The following IPO11 variants were observed in gnomAD, a reference collection of about 807,000 sequenced individuals.
IPO11 encodes the protein importin-11.
Under a neutral mutation model 143.2 loss-of-function variants are expected in IPO11, and 66 were observed. The ratio of observed to expected loss-of-function variants is 0.46; its 90% CI spans 0.38 to 0.57. IPO11 has a LOEUF of 0.57. Ranked by LOEUF, IPO11 falls within the 20% of genes least tolerant of loss-of-function variation. IPO11 has a pLI of 0.00. For synonymous variants in IPO11, 385 were observed against 377.8 expected, an observed-to-expected ratio of 1.02 and a Z score of -0.22; for missense variants, 1,026 against 1,141.0, an observed-to-expected ratio of 0.90 and a Z score of 1.45.
intron 1 of IPO11, among the ~76,000 whole-genome samples, chr5:62,426,021 CA>C (rs1414809515): frequency 6.6e-6 from 1 of 152,198 alleles, no homozygotes; most frequent in East Asian, 1.9e-4. Context: ...TTATAAGACT[CA>C]GAGTCCCCTG....
intron 8 of IPO11, among the ~76,000 whole-genome samples, chr5:62,475,433 C>T (rs1745923907): frequency 6.6e-6 from 1 of 152,096 alleles, no homozygotes. Flanking sequence ...ATTGATTGAG[C>T]CTGAGAGGTT....
intron 29 of IPO11, among the ~76,000 whole-genome samples, chr5:62,606,104 TGG>T (rs1004084613): frequency 3.9e-5 from 6 of 151,952 alleles, no homozygotes; most frequent in South Asian, 2.1e-4. Flanking sequence ...GTGTACAACA[TGG>T]TGTTTTAAAA....
chr5:62,486,137 C>T (rs1300315005), intron 12 of IPO11, among the ~76,000 whole-genome samples: 1 of 151,758 alleles, frequency 6.6e-6, no homozygotes, highest in Non-Finnish European at 1.5e-5. Context: ...CCCGCCACCA[C>T]GCCCAGCTAA....
At chr5:62,534,934 C>G (rs1026562076) in intron 22 of IPO11, among the ~76,000 whole-genome samples, 1 of 151,954 alleles carries the variant, frequency 6.6e-6, no homozygotes, top group African/African-American at 2.4e-5. Context: ...TAGAGTCTCA[C>G]TAGGAACTTG....
At chr5:62,601,544 A>G (rs1184980148) in intron 28 of IPO11, among the ~76,000 whole-genome samples, 2 of 152,188 alleles carry the variant, frequency 1.3e-5, no homozygotes, top group East Asian at 3.8e-4. Context: ...CCCAAGTAAA[A>G]TGCTCTAAAA....
chr5:62,446,677 T>G (rs139543040), intron 3 of IPO11, among the ~76,000 whole-genome samples: 1 of 152,160 alleles, frequency 6.6e-6, no homozygotes, highest in South Asian at 2.1e-4. Context: ...ATTACAAATA[T>G]CTTCTCCTAG....
At chr5:62,606,556 G>T (rs1180564987) in intron 29 of IPO11, among the ~76,000 whole-genome samples, 1 of 150,960 alleles carries the variant, frequency 6.6e-6, no homozygotes, top group Non-Finnish European at 1.5e-5. Context: ...AATGTGTGCG[G>T]CCGGGTACGG....
At chr5:62,481,181 G>A (rs1168202213) in intron 9 of IPO11, among the ~76,000 whole-genome samples, 2 of 152,076 alleles carry the variant, frequency 1.3e-5, no homozygotes, top group Non-Finnish European at 2.9e-5. Flanking sequence ...GCCTCCCAAA[G>A]TGCTGGGATT....
intron 27 of IPO11, among the ~76,000 whole-genome samples, chr5:62,585,088 G>A (rs181912): frequency 0.69 from 105,291 of 152,076 alleles, 36,835 homozygotes; most frequent in African/African-American, 0.78. Flanking sequence ...TGGAGTTTTC[G>A]GTACATGCAC....
rs534371723 is a variant in IPO11 at position 62,532,326 on chromosome 5, T to C, written c.2089+1541T>C. Among the ~76,000 whole-genome samples, 7 of 152,194 alleles carry C rather than the reference T, an allele frequency of 4.6e-5. 1 individual carries two copies. The South Asian group carries it at 1.2e-3, about 27-fold the overall frequency. On this transcript the variant is annotated intron_variant, in intron 22 of 29. Transcript: ENST00000325324. Reference sequence around the variant, plus strand: ...GCTTTAGGTAAGTGCTCTAGTGTAGTGGTTTTTTTTGTTGGTGGTGGTTCG... The same window carrying C: ...GCTTTAGGTAAGTGCTCTAGTGTAGCGGTTTTTTTTGTTGGTGGTGGTTCG...
chr5:62,492,240 A>G (rs1244948491), intron 15 of IPO11, among the ~76,000 whole-genome samples: 2 of 152,174 alleles, frequency 1.3e-5, no homozygotes, highest in Non-Finnish European at 2.9e-5. Context: ...AACAGAGTCT[A>G]ATATGGTCTT....
intron 20 of IPO11, among the ~76,000 whole-genome samples, chr5:62,523,019 C>T (rs1561347685): frequency 6.6e-6 from 1 of 152,180 alleles, no homozygotes; most frequent in East Asian, 1.9e-4. Flanking sequence ...ATACCTGGTG[C>T]CATTAGTTCC....
chr5:62,546,853 CT>C (rs1290782254), intron 24 of IPO11, among the ~76,000 whole-genome samples: 1 of 152,012 alleles, frequency 6.6e-6, no homozygotes, highest in East Asian at 1.9e-4. Flanking sequence ...TAGTTTTCTT[CT>C]GTTTAAAAAG....
At chr5:62,550,562 G>A (rs2112348107) in intron 25 of IPO11, 100 bp downstream of exon 25, 1 of 760,298 alleles carries the variant, frequency 1.3e-6, no homozygotes, top group East Asian at 2.7e-5. Context: ...TTGTCATTTG[G>A]ATCATATTAA....
chr5:62,597,931 T>C (rs1157658323), intron 28 of IPO11, among the ~76,000 whole-genome samples: 3 of 152,212 alleles, frequency 2.0e-5, no homozygotes, highest in East Asian at 1.9e-4. Flanking sequence ...TGAGTTTTTT[T>C]CTACTCCATC....
intron 1 of IPO11, among the ~76,000 whole-genome samples, chr5:62,435,172 GTATATATGTATATATATGTA>G (rs746098672): frequency 2.3e-5 from 2 of 88,290 alleles, no homozygotes; most frequent in East Asian, 6.6e-4. Flanking sequence ...GTATATATAT[GTATATATGTATATATATGTA>G]TATATATGTA....
chr5:62,468,914 C>A (rs765306018), intron 6 of IPO11, among the ~76,000 whole-genome samples: 1 of 152,164 alleles, frequency 6.6e-6, no homozygotes, highest in Non-Finnish European at 1.5e-5. Flanking sequence ...TTTACACTTA[C>A]GTGCATTTAG....
chr5:62,418,789 T>TC (rs1743387570), intron 1 of IPO11: 1 of 413,814 alleles, frequency 2.4e-6, no homozygotes, highest in South Asian at 5.7e-5. Context: ...ACGTATTGTC[T>TC]CCAAGTCTCT....
intron 27 of IPO11, among the ~76,000 whole-genome samples, chr5:62,578,191 G>A (rs1052092866): frequency 2.0e-5 from 3 of 152,022 alleles, no homozygotes; most frequent in South Asian, 2.1e-4. Context: ...CAATTAGTGC[G>A]TTACTACTAA....
Sources: allele counts gnomAD v4.1 joint callset (sites outside exome capture counted in the v4.1 genomes callset), GRCh38; gene constraint gnomAD v4.1.1; transcripts MANE v1.5; gene names NCBI Gene and HGNC (gene_info 2026-07-23, HGNC 2026-07-21).